The following SPAG1 variants were observed in gnomAD, a reference collection of about 807,000 sequenced individuals.
The protein encoded by SPAG1 is sperm-associated antigen 1.
Under a neutral mutation model 100.5 loss-of-function variants are expected in SPAG1, and 69 were observed. The ratio of observed to expected loss-of-function variants is 0.69; its 90% CI spans 0.57 to 0.84. The LOEUF (loss-of-function observed/expected upper bound fraction) is 0.84. Ranked by LOEUF, SPAG1 falls within the 40% of genes least tolerant of loss-of-function variation. The pLI, the probability that SPAG1 is intolerant of heterozygous loss-of-function variation, is 0.00. For missense variants in SPAG1, 955 were observed against 1,133.1 expected (o/e 0.84, Z 2.26); for synonymous variants, 336 against 411.6 (o/e 0.82, Z 2.22).
intron 10 of SPAG1, among the ~76,000 whole-genome samples, chr8:100,205,394 C>A (rs577313194): frequency 1.3e-5 from 2 of 152,176 alleles, no homozygotes; most frequent in Admixed American, 1.3e-4. Context: ...AACATCATTG[C>A]GGTCCTCCAG....
chr8:100,166,870 G>C (rs1208171587), intron 3 of SPAG1, among the ~76,000 whole-genome samples: 2 of 152,172 alleles, frequency 1.3e-5, no homozygotes, highest in African/African-American at 4.8e-5. Context: ...TGGTGTCATT[G>C]CACTCCGGCC....
chr8:100,174,529 C>A (rs1488916527), intron 3 of SPAG1, among the ~76,000 whole-genome samples: 1 of 152,136 alleles, frequency 6.6e-6, no homozygotes, highest in African/African-American at 2.4e-5. Context: ...TTCTGTCTGA[C>A]TTTTGCTTTT....
At chr8:100,237,822 G>C (rs960435497) in intron 16 of SPAG1, among the ~76,000 whole-genome samples, 13 of 152,080 alleles carry the variant, frequency 8.5e-5, no homozygotes, top group African/African-American at 3.1e-4. Flanking sequence ...CTGCTCTTTA[G>C]GCAGAGACTT....
chr8:100,228,700 C>T (rs1427008447), intron 14 of SPAG1, among the ~76,000 whole-genome samples: 1 of 151,544 alleles, frequency 6.6e-6, no homozygotes, highest in African/African-American at 2.4e-5. Flanking sequence ...GCGACAGAGC[C>T]AGACCCCATC....
At chr8:100,185,033 G>T (rs1816528244) in intron 7 of SPAG1, 1 of 263,456 alleles carries the variant, frequency 3.8e-6, no homozygotes, top group South Asian at 4.4e-5. Context: ...GAATAACTTG[G>T]GTTCCATTGT....
At chr8:100,201,874 C>T (rs1269525534) in intron 10 of SPAG1, among the ~76,000 whole-genome samples, 3 of 152,132 alleles carry the variant, frequency 2.0e-5, no homozygotes, top group Admixed American at 6.5e-5. Context: ...CCTCTGTAAC[C>T]CTTGCAGTAT....
intron 14 of SPAG1, among the ~76,000 whole-genome samples, chr8:100,230,062 T>C (rs559765587): frequency 6.6e-6 from 1 of 152,332 alleles, no homozygotes; most frequent in South Asian, 2.1e-4. Flanking sequence ...TCAGCTCTTA[T>C]AGACTCATCC....
In SPAG1 at chr8:100,225,275, G is replaced by A. The variant is rs754458942; in HGVS notation, c.1791G>A (p.Pro597=). 23 of 1,613,662 alleles carry A rather than the reference G, an allele frequency of 1.4e-5. No homozygotes were observed. Among genetic ancestry groups the A allele is most frequent in the East Asian group, 4.5e-5 (2 of 44,856 alleles). ...PASVPLQAWH[P]AKEMISKQAG... is the part of the protein sequence containing the mutation. ...CTGTGCCACTGCAAGCTTGGCATCC[G>A]GCAAAAGAGATGATCTCAAAACAAG... is the stretch of plus-strand genomic sequence containing the variant. Residue 597 remains proline (P), a synonymous_variant, in exon 14 of 19, where the codon CCG becomes CCA. Coordinates refer to ENST00000388798, the MANE Select transcript of SPAG1 (RefSeq NM_003114.5).
chr8:100,174,727 C>G (rs1456588765), intron 3 of SPAG1, among the ~76,000 whole-genome samples: 1 of 152,158 alleles, frequency 6.6e-6, no homozygotes, highest in Non-Finnish European at 1.5e-5. Context: ...TATGTCTTCT[C>G]ATTGTCTGGC....
At chr8:100,226,157 C>T (rs1027536667) in intron 14 of SPAG1, among the ~76,000 whole-genome samples, 15 of 152,014 alleles carry the variant, frequency 9.9e-5, no homozygotes, top group African/African-American at 2.4e-4. Flanking sequence ...CCACCACGCA[C>T]GGCTAATTTT....
chr8:100,186,429 A>C (rs954868886), intron 7 of SPAG1, among the ~76,000 whole-genome samples: 1 of 151,984 alleles, frequency 6.6e-6, no homozygotes, highest in African/African-American at 2.4e-5. Flanking sequence ...GGTTTTTTTT[A>C]AAGTGATCTA....
At chr8:100,178,141 C>T (rs1180765177) in intron 4 of SPAG1, among the ~76,000 whole-genome samples, 200 bp downstream of exon 4, 1 of 152,108 alleles carries the variant, frequency 6.6e-6, no homozygotes, top group Non-Finnish European at 1.5e-5. Flanking sequence ...CAAAATGAAA[C>T]AGTTTTTTCC....
At chr8:100,177,990 C>T in intron 4 of SPAG1, 49 bp downstream of exon 4, 3 of 1,552,450 alleles carry the variant, frequency 1.9e-6, no homozygotes, top group South Asian at 2.3e-5. Context: ...AGGATTGCTG[C>T]TGTTTATTAA....
Position 100,233,465 on chromosome 8 carries a change from T to C in SPAG1, c.2043T>C (p.Asp681=). ...TTGAAGAAGCAAAGCAGGACTGTGA[T>C]CAGGCACTTCAGCTAGCTGATGGGA... ...CQFEEAKQDC[D]QALQLADGNV... Residue 681 remains aspartate (D), a synonymous_variant, in exon 16 of 19, where the codon GAT becomes GAC. Transcript: ENST00000388798. 6.8e-6 allele frequency: 11 copies of C among 1,614,168 alleles called. No homozygotes were observed. The highest frequency in any genetic ancestry group is 9.3e-6 in the Non-Finnish European group (11 of 1,179,988).
At chr8:100,163,787 G>A (rs1815424683) in intron 2 of SPAG1, among the ~76,000 whole-genome samples, 1 of 151,984 alleles carries the variant, frequency 6.6e-6, no homozygotes, top group Admixed American at 6.6e-5. Context: ...AATATCAATT[G>A]TTTTCCCTTT....
intron 12 of SPAG1, among the ~76,000 whole-genome samples, chr8:100,219,770 G>T (rs1262158299): frequency 6.6e-6 from 1 of 152,172 alleles, no homozygotes; most frequent in Non-Finnish European, 1.5e-5. Context: ...AGAAATCATT[G>T]TAGGTTTAGT....
chr8:100,168,246 G>A (rs1232528182), intron 3 of SPAG1, among the ~76,000 whole-genome samples: 1 of 152,050 alleles, frequency 6.6e-6, no homozygotes, highest in Non-Finnish European at 1.5e-5. Flanking sequence ...GTTAGTTTTA[G>A]CCATCCTACC....
intron 10 of SPAG1, among the ~76,000 whole-genome samples, chr8:100,206,576 C>G (rs1006469479): frequency 6.6e-6 from 1 of 152,150 alleles, no homozygotes; most frequent in African/African-American, 2.4e-5. Flanking sequence ...AATTCAGGGA[C>G]CTTCTACCTC....
chr8:100,217,653 C>T (rs1818065440), intron 12 of SPAG1, among the ~76,000 whole-genome samples: 1 of 152,206 alleles, frequency 6.6e-6, no homozygotes, highest in Non-Finnish European at 1.5e-5. Context: ...TCACTTTTCT[C>T]ATCTATCAGA....
Sources: allele counts gnomAD v4.1 joint callset (sites outside exome capture counted in the v4.1 genomes callset), GRCh38; gene constraint gnomAD v4.1.1; transcripts MANE v1.5; gene names NCBI Gene and HGNC (gene_info 2026-07-23, HGNC 2026-07-21).